Variants in DDIAS observed in about 807,000 individuals in gnomAD.
The protein encoded by DDIAS is DNA damage induced apoptosis suppressor.
In DDIAS, 14 loss-of-function variants were observed where a neutral mutation model predicts 15.7. The observed-to-expected ratio is 0.89, with a 90% CI of 0.59 to 1.39. DDIAS has a LOEUF of 1.39. DDIAS is among the 40% of genes most tolerant of loss of function. The probability of loss-of-function intolerance (pLI) is 0.00; values close to 1 mark genes in which losing one functional copy is unlikely to be tolerated. For missense variants in DDIAS, 1,035 were observed against 1,130.9 expected (o/e 0.92, Z 1.22); for synonymous variants, 355 against 395.9 (o/e 0.90, Z 1.23).
intron 3 of DDIAS, among the ~76,000 whole-genome samples, chr11:82,925,181 A>G (rs1056111829): frequency 2.0e-5 from 3 of 152,092 alleles, no homozygotes; most frequent in African/African-American, 7.2e-5. Flanking sequence ...AAACATAACT[A>G]TTTTTCATAA....
intron 1 of DDIAS, among the ~76,000 whole-genome samples, chr11:82,904,829 A>G (rs1314137554): frequency 6.6e-6 from 1 of 152,234 alleles, no homozygotes. Flanking sequence ...TCTAGAATGA[A>G]AAATGCATCA....
intron 3 of DDIAS, among the ~76,000 whole-genome samples, chr11:82,926,204 C>A (rs1272955947): frequency 6.6e-6 from 1 of 151,390 alleles, no homozygotes; most frequent in Non-Finnish European, 1.5e-5. Context: ...ATCCTCCCAT[C>A]TCAGCTTCCT....
intron 3 of DDIAS, chr11:82,922,564 G>C (rs1227592117): frequency 2.6e-5 from 4 of 152,110 alleles, no homozygotes; most frequent in Non-Finnish European, 5.9e-5. Context: ...CTGAAGTTTT[G>C]ATTGTTTTTC....
rs138088610 is a variant in DDIAS, at chr11:82,919,205, C to T, written c.113+4354C>T. The stretch of plus-strand genomic sequence containing the variant: ...CAGAGGGAATGCTTTCAACTTTTCT[C>T]CATTCATTGTTATGTTGGCTGTGGG... On this transcript the variant is annotated intron_variant, in intron 3 of 5. Coordinates refer to ENST00000533655, the MANE Select transcript of DDIAS (RefSeq NM_145018.4). Among the ~76,000 whole-genome samples, 431 of 152,218 alleles carry T rather than the reference C, an allele frequency of 2.8e-3. 7 individuals are homozygous for T. Among genetic ancestry groups the T allele is most frequent in the Non-Finnish European group, 3.0e-3 (202 of 68,006 alleles).
intron 5 of DDIAS, among the ~76,000 whole-genome samples, chr11:82,931,388 G>A (rs536581713): frequency 6.6e-6 from 1 of 152,230 alleles, no homozygotes; most frequent in Non-Finnish European, 1.5e-5. Context: ...ATCTCACTCT[G>A]TCACCCAGGC....
chr11:82,914,873 G>C (rs1860601879), intron 3 of DDIAS, 22 bp downstream of exon 3: 1 of 1,468,562 alleles, frequency 6.8e-7, no homozygotes, highest in Non-Finnish European at 9.4e-7. Flanking sequence ...GTCTGTAAGT[G>C]TGAGAGAGGA....
chr11:82,918,036 C>G (rs999536993), intron 3 of DDIAS, among the ~76,000 whole-genome samples: 2 of 152,038 alleles, frequency 1.3e-5, no homozygotes, highest in African/African-American at 4.8e-5. Context: ...GGATGTTAGT[C>G]CTTTGTCAGA....
At chr11:82,916,671 G>A (rs1860638290) in intron 3 of DDIAS, among the ~76,000 whole-genome samples, 2 of 152,140 alleles carry the variant, frequency 1.3e-5, no homozygotes, top group African/African-American at 4.8e-5. Flanking sequence ...GGTAATACCA[G>A]TAGATAACAT....
Position 82,932,773 on chromosome 11 carries a change from T to A in DDIAS, c.1435T>A (p.Leu479Ile), listed in dbSNP as rs1861026653. The A allele has an allele frequency of 1.1e-5, 17 of 1,613,924 alleles. No homozygotes were observed. The highest frequency in any genetic ancestry group is 1.4e-5 in the Non-Finnish European group (17 of 1,180,010). The change falls in exon 6 of 6, where the codon TTA becomes ATA. Residue 479 changes from leucine (L) to isoleucine (I), a missense_variant. Coordinates refer to ENST00000533655, the MANE Select transcript of DDIAS (RefSeq NM_145018.4). ...TGALHTPPIA[L>I]RSSQVIVKAN... ...AGCCCTGCATACACCACCTATAGCTTTAAGATCATCACAAGTAATAGTCAA... is the reference window on the plus strand; with the variant it reads ...AGCCCTGCATACACCACCTATAGCTATAAGATCATCACAAGTAATAGTCAA...
At chr11:82,930,435 C>T (rs1406987768) in intron 5 of DDIAS, among the ~76,000 whole-genome samples, 161 bp downstream of exon 5, 1 of 152,116 alleles carries the variant, frequency 6.6e-6, no homozygotes, top group Non-Finnish European at 1.5e-5. Flanking sequence ...GTTAAAACAC[C>T]ATGTGTGACA....
Position 82,928,828 on chromosome 11 carries a change from C to T in DDIAS, c.165C>T (p.Tyr55=), listed in dbSNP as rs751681694. Residue 55 remains tyrosine (Y), a synonymous_variant, in exon 4 of 6, where the codon TAC becomes TAT. Coordinates refer to ENST00000533655, the MANE Select transcript of DDIAS (RefSeq NM_145018.4). Reference sequence around the variant, plus strand: ...CTGGTGAATCTGGAAATGCCAATTACAGATACAAACTTTCCTTAAAAGTTG... The same window carrying T: ...CTGGTGAATCTGGAAATGCCAATTATAGATACAAACTTTCCTTAAAAGTTG... ...GSTGESGNAN[Y]RYKLSLKVAE... 8.1e-6 allele frequency: 13 copies of T among 1,613,174 alleles called. No individual in the cohort carries two copies.
At chr11:82,905,242 C>T (rs1591084672) in intron 1 of DDIAS, among the ~76,000 whole-genome samples, 1 of 152,210 alleles carries the variant, frequency 6.6e-6, no homozygotes, top group African/African-American at 2.4e-5. Context: ...TTAGTTCTGC[C>T]CCAACACTTA....
At chr11:82,907,739 C>T (rs186495788) in intron 1 of DDIAS, among the ~76,000 whole-genome samples, 41 of 152,332 alleles carry the variant, frequency 2.7e-4, no homozygotes, top group African/African-American at 9.6e-4. Context: ...TGAGTTCTTG[C>T]TGTGTTGCCC....
intron 3 of DDIAS, among the ~76,000 whole-genome samples, chr11:82,924,574 G>A (rs1041023775): frequency 2.0e-5 from 3 of 152,222 alleles, no homozygotes; most frequent in Admixed American, 6.5e-5. Flanking sequence ...CAGCATTTGG[G>A]AGGCCAAGAT....
chr11:82,920,989 C>T (rs1860734457), intron 3 of DDIAS, among the ~76,000 whole-genome samples: 1 of 152,220 alleles, frequency 6.6e-6, no homozygotes, highest in South Asian at 2.1e-4. Flanking sequence ...AAGTCCTCCA[C>T]TATTATTGTG....
At chr11:82,929,018 TG>T in intron 4 of DDIAS, 80 bp downstream of exon 4, 2 of 1,460,732 alleles carry the variant, frequency 1.4e-6, no homozygotes, top group Non-Finnish European at 1.9e-6. Flanking sequence ...TATGCATTTT[TG>T]TAGAAAGATA....
At chr11:82,930,957 CTCCTCTCT>C (rs1233868487) in intron 5 of DDIAS, among the ~76,000 whole-genome samples, 2 of 152,118 alleles carry the variant, frequency 1.3e-5, no homozygotes, top group African/African-American at 4.8e-5. Flanking sequence ...GTCCTTTTCT[CTCCTCTCT>C]TCTTTTTCCT....
rs759854570 is a variant in DDIAS, at chr11:82,933,066, T to C, written c.1728T>C (p.Tyr576=). 3 of 1,602,908 alleles carry C rather than the reference T, an allele frequency of 1.9e-6. No individual in the cohort carries two copies. Among genetic ancestry groups the C allele is most frequent in the Non-Finnish European group, 2.5e-6 (3 of 1,178,348 alleles). The stretch of plus-strand genomic sequence containing the variant: ...ACCATTCTAGTCTAAATAACAAATA[T>C]TTGAATGGATGTGGAGAAATATCAG... ...ESDHSSLNNK[Y]LNGCGEISVS... The change falls in exon 6 of 6, where the codon TAT becomes TAC. Residue 576 remains tyrosine (Y), a synonymous_variant. Coordinates refer to ENST00000533655, the MANE Select transcript of DDIAS (RefSeq NM_145018.4).
At chr11:82,920,669 T>G (rs1860728424) in intron 3 of DDIAS, among the ~76,000 whole-genome samples, 1 of 152,210 alleles carries the variant, frequency 6.6e-6, no homozygotes, top group Non-Finnish European at 1.5e-5. Flanking sequence ...TTAATTTCCA[T>G]GTATTGGCAT....
Sources: gnomAD v4.1 joint callset for allele counts (sites outside exome capture counted in the v4.1 genomes callset) on GRCh38, gnomAD v4.1.1 for gene constraint, MANE v1.5 for transcripts, NCBI Gene and HGNC (gene_info 2026-07-23, HGNC 2026-07-21) for gene names.